KAZN: variants seen among roughly 807,000 people sequenced by gnomAD.
KAZN encodes kazrin.
KAZN carries 40 observed loss-of-function variants against 87.4 expected under a neutral mutation model. The observed-to-expected ratio is 0.46, with a 90% CI of 0.36 to 0.60. The LOEUF (loss-of-function observed/expected upper bound fraction) is 0.60. KAZN is among the 20% of genes least tolerant of loss of function. The pLI is 0.00. For missense variants in KAZN, 898 were observed against 1,073.9 expected (o/e 0.84, Z 2.29); for synonymous variants, 466 against 458.3 (o/e 1.02, Z -0.22).
chr1:14,510,387 A>AC (rs372732558), intron 2 of KAZN, among the ~76,000 whole-genome samples: 3,022 of 151,948 alleles, frequency 0.02, 104 homozygotes, highest in African/African-American at 0.068. Context: ...TCAAAAAAAA[A>AC]AAACAAACAG....
intron 1 of KAZN, among the ~76,000 whole-genome samples, chr1:14,708,277 C>G (rs1048716520): frequency 2.0e-5 from 3 of 152,164 alleles, no homozygotes; most frequent in Non-Finnish European, 4.4e-5. Flanking sequence ...GGAATCAGGA[C>G]TTTTCACTCT....
intron 1 of KAZN, among the ~76,000 whole-genome samples, chr1:14,046,049 G>C (rs1034556698): frequency 6.6e-6 from 1 of 152,170 alleles, no homozygotes; most frequent in African/African-American, 2.4e-5. Context: ...TGCTTCTAGA[G>C]GAGCACTTTT....
At chr1:14,723,668 T>C (rs115876305) in intron 1 of KAZN, among the ~76,000 whole-genome samples, 6,512 of 152,296 alleles carry the variant, frequency 0.043, 463 homozygotes, top group African/African-American at 0.15. Flanking sequence ...CGTCTCCTTT[T>C]CCACCCGAGT....
At chr1:13,930,428 T>C (rs1411071689) in intron 1 of KAZN, among the ~76,000 whole-genome samples, 1 of 152,218 alleles carries the variant, frequency 6.6e-6, no homozygotes, top group Non-Finnish European at 1.5e-5. Flanking sequence ...GTTTTGGCTA[T>C]TGTCACATGT....
chr1:14,251,476 G>C (rs1367003630), intron 2 of KAZN, among the ~76,000 whole-genome samples: 1 of 152,012 alleles, frequency 6.6e-6, no homozygotes, highest in Non-Finnish European at 1.5e-5. Flanking sequence ...AAAAGTTGCT[G>C]TCATCTTGCT....
At chr1:14,606,275 G>A (rs1373081072) in intron 1 of KAZN, among the ~76,000 whole-genome samples, 1 of 152,200 alleles carries the variant, frequency 6.6e-6, no homozygotes, top group Admixed American at 6.5e-5. Context: ...GCATTAGGGA[G>A]GTTCAGGGAG....
intron 2 of KAZN, among the ~76,000 whole-genome samples, chr1:14,393,689 T>C (rs1219516245): frequency 6.6e-6 from 1 of 152,032 alleles, no homozygotes; most frequent in Non-Finnish European, 1.5e-5. Flanking sequence ...ATTATATTGC[T>C]AGCATTGAGG....
intron 4 of KAZN, among the ~76,000 whole-genome samples, chr1:15,050,820 C>T (rs74821211): frequency 2.0e-5 from 3 of 151,978 alleles, no homozygotes; most frequent in East Asian, 2.0e-4. Context: ...CCTCCACAGC[C>T]GAGCCTGCAT....
At chr1:14,364,019 C>A (rs1659751398) in intron 2 of KAZN, among the ~76,000 whole-genome samples, 1 of 144,252 alleles carries the variant, frequency 6.9e-6, no homozygotes, top group African/African-American at 2.6e-5. Context: ...GGTAATGTTT[C>A]TTACAATGTT....
chr1:14,306,626 T>C (rs963764022), intron 2 of KAZN, among the ~76,000 whole-genome samples: 1 of 152,164 alleles, frequency 6.6e-6, no homozygotes, highest in South Asian at 2.1e-4. Context: ...TACCTTCTGC[T>C]CTACCATGAT....
At chr1:14,261,455 C>T (rs538300593) in intron 2 of KAZN, among the ~76,000 whole-genome samples, 7 of 152,210 alleles carry the variant, frequency 4.6e-5, no homozygotes, top group East Asian at 3.9e-4. Flanking sequence ...GAATGGTCCC[C>T]GGGGGCCAGA....
chr1:13,989,408 G>C (rs1270143936), intron 1 of KAZN, among the ~76,000 whole-genome samples: 2 of 152,062 alleles, frequency 1.3e-5, no homozygotes, highest in East Asian at 3.9e-4. Flanking sequence ...CTTCAGGCGG[G>C]AATCAGAGAA....
intron 1 of KAZN, among the ~76,000 whole-genome samples, chr1:14,113,290 T>C (rs1644538550): frequency 6.6e-6 from 1 of 152,208 alleles, no homozygotes; most frequent in Non-Finnish European, 1.5e-5. Context: ...AGAACAGAGA[T>C]GTTCAGTGGC....
intron 1 of KAZN, among the ~76,000 whole-genome samples, chr1:14,685,870 G>A (rs551186759): frequency 2.0e-5 from 3 of 152,232 alleles, no homozygotes; most frequent in Non-Finnish European, 2.9e-5. Flanking sequence ...GTGTGTGTGC[G>A]CACGTGTGTA....
At chr1:14,106,360 G>A (rs554878079) in intron 1 of KAZN, among the ~76,000 whole-genome samples, 135 of 152,298 alleles carry the variant, frequency 8.9e-4, no homozygotes, top group African/African-American at 3.1e-3. Context: ...GCCAAAACTT[G>A]CTATATATTT....
chr1:13,946,217 C>T (rs2100983915), intron 1 of KAZN, among the ~76,000 whole-genome samples: 1 of 152,262 alleles, frequency 6.6e-6, no homozygotes, highest in Admixed American at 6.5e-5. Context: ...TTCTAGTATG[C>T]TTACCACAGT....
At chr1:14,824,944 A>G (rs1315252145) in intron 1 of KAZN, among the ~76,000 whole-genome samples, 1 of 152,232 alleles carries the variant, frequency 6.6e-6, no homozygotes, top group Non-Finnish European at 1.5e-5. Flanking sequence ...CTGCAGAGGC[A>G]CTGAGGTAGG....
chr1:14,084,205 C>T (rs1041114516), intron 1 of KAZN, among the ~76,000 whole-genome samples: 1 of 152,090 alleles, frequency 6.6e-6, no homozygotes, highest in African/African-American at 2.4e-5. Context: ...TCAAGAAGAC[C>T]AGATATTAGA....
At chr1:14,563,309 T>C (rs1457898014) in intron 2 of KAZN, among the ~76,000 whole-genome samples, 1 of 152,154 alleles carries the variant, frequency 6.6e-6, no homozygotes, top group East Asian at 1.9e-4. Flanking sequence ...TTGTTAAAAA[T>C]GAAGATTCCC....
Sources: gnomAD v4.1 joint callset for allele counts (sites outside exome capture counted in the v4.1 genomes callset) on GRCh38, gnomAD v4.1.1 for gene constraint, MANE v1.5 for transcripts, NCBI Gene and HGNC (gene_info 2026-07-23, HGNC 2026-07-21) for gene names.